Variants in MEP1A observed in about 807,000 individuals in gnomAD.
MEP1A encodes N-benzoyl-L-tyrosyl-P-amino-benzoic acid hydrolase subunit alpha.
A neutral mutation model predicts 84.5 loss-of-function variants in MEP1A; 68 were observed. That is an observed-to-expected ratio of 0.80 (90% CI 0.66 to 0.98). The LOEUF is 0.98. Ranked by LOEUF, MEP1A falls within the 50% of genes least tolerant of loss-of-function variation. The pLI, the probability that MEP1A is intolerant of heterozygous loss-of-function variation, is 0.00. For missense variants in MEP1A, 887 were observed against 919.9 expected (o/e 0.96, Z 0.46); for synonymous variants, 337 against 336.8 (o/e 1.00, Z -0.01).
chr6:46,827,429 T>C (rs1455919806), intron 9 of MEP1A, among the ~76,000 whole-genome samples: 3 of 152,246 alleles, frequency 2.0e-5, no homozygotes, highest in African/African-American at 7.2e-5. Context: ...TTTTCTATTT[T>C]AGCCTTCTAG....
chr6:46,828,465 C>T (rs1767997868), intron 9 of MEP1A, among the ~76,000 whole-genome samples: 1 of 152,168 alleles, frequency 6.6e-6, no homozygotes, highest in African/African-American at 2.4e-5. Flanking sequence ...CTGGGAGCAT[C>T]ACGGAGCAAC....
intron 6 of MEP1A, among the ~76,000 whole-genome samples, chr6:46,813,003 A>C (rs1026427478): frequency 6.6e-6 from 1 of 152,016 alleles, no homozygotes; most frequent in Admixed American, 6.6e-5. Context: ...GGTATAGTTA[A>C]AGTCCATTGT....
At chr6:46,817,943 T>C (rs551849657) in intron 6 of MEP1A, among the ~76,000 whole-genome samples, 2 of 152,264 alleles carry the variant, frequency 1.3e-5, no homozygotes, top group Non-Finnish European at 2.9e-5. Context: ...TCTCCTGAAG[T>C]TGGAGGCTAA....
chr6:46,841,808 A>C (rs953686762), downstream of MEP1A, among the ~76,000 whole-genome samples: 2 of 152,208 alleles, frequency 1.3e-5, no homozygotes, highest in East Asian at 1.9e-4. Flanking sequence ...TGGGAACTCT[A>C]ACCCCCTCTC....
chr6:46,823,498 G>A (rs2150751326), intron 7 of MEP1A, among the ~76,000 whole-genome samples: 1 of 152,312 alleles, frequency 6.6e-6, no homozygotes, highest in Admixed American at 6.5e-5. Flanking sequence ...TGTAATCCCA[G>A]CTACTCAGGA....
downstream of MEP1A, among the ~76,000 whole-genome samples, chr6:46,842,831 G>T (rs562812146): frequency 6.6e-6 from 1 of 152,294 alleles, no homozygotes; most frequent in Admixed American, 6.5e-5. Flanking sequence ...AGGCCCAGCT[G>T]TAAAATTCCT....
chr6:46,829,684 T>A, intron 10 of MEP1A, 113 bp downstream of exon 10: 1 of 747,066 alleles, frequency 1.3e-6, no homozygotes. Context: ...CTCCTCCTTT[T>A]CCTCCACCCA....
chr6:46,837,144 T>A (rs1562119304), intron 13 of MEP1A, among the ~76,000 whole-genome samples: 1 of 152,236 alleles, frequency 6.6e-6, no homozygotes, highest in Non-Finnish European at 1.5e-5. Flanking sequence ...GATCTTCTAA[T>A]GTTGATTTCC....
At chr6:46,823,364 C>T (rs12202500) in intron 7 of MEP1A, among the ~76,000 whole-genome samples, 6,907 of 152,302 alleles carry the variant, frequency 0.045, 165 homozygotes, top group African/African-American at 0.072. Context: ...ATAATCCCAG[C>T]ACTTTGAGAG....
chr6:46,825,407 A>G lies in MEP1A; in HGVS notation c.692A>G (p.Lys231Arg), dbSNP rs138133276. 16 of 1,613,904 alleles carry G rather than the reference A, an allele frequency of 9.9e-6. No individual in the cohort carries two copies. In the African/African-American group the frequency reaches 1.2e-4, roughly 12 times the overall value. The change falls in exon 8 of 14, where the codon AAG becomes AGG. Residue 231 changes from lysine to arginine, a missense_variant. Physicochemically the swap from Lys to Arg is conservative, Grantham distance 26. Coordinates refer to ENST00000230588, the MANE Select transcript of MEP1A (RefSeq NM_005588.3). ...KNASVPTITA[K>R]IPEFNSIIGQ... is the part of the protein sequence containing the mutation. ...GCAAGTGTTCCCACCATCACAGCCAAGATCCCTGAGTTTAACTCCATTATC... is the reference window on the plus strand; with the variant it reads ...GCAAGTGTTCCCACCATCACAGCCAGGATCCCTGAGTTTAACTCCATTATC...
chr6:46,801,460 T>C (rs772296589), intron 5 of MEP1A, among the ~76,000 whole-genome samples: 7 of 152,118 alleles, frequency 4.6e-5, no homozygotes, highest in Non-Finnish European at 1.0e-4. Flanking sequence ...GTTTTAAAAA[T>C]TATATTGTTT....
chr6:46,799,156 T>G lies in MEP1A; in HGVS notation c.237T>G (p.Ile79Met). ...RDPNTRWTFP[I>M]PYILADNLGL... The stretch of plus-strand genomic sequence containing the variant: ...CAAACACCAGGTGGACGTTCCCCAT[T>G]CCTTACATCTTGGCTGATAATTTGG... Residue 79 changes from isoleucine (I) to methionine (M), a missense_variant, in exon 5 of 14, where the codon ATT becomes ATG. Coordinates refer to ENST00000230588, the MANE Select transcript of MEP1A (RefSeq NM_005588.3). 1 of 1,612,096 alleles carries G rather than the reference T, an allele frequency of 6.2e-7. No homozygotes were observed. The highest frequency in any genetic ancestry group is 8.5e-7 in the Non-Finnish European group (1 of 1,178,126).
intron 6 of MEP1A, among the ~76,000 whole-genome samples, chr6:46,815,219 G>T (rs1289116747): frequency 6.6e-6 from 1 of 152,158 alleles, no homozygotes; most frequent in Non-Finnish European, 1.5e-5. Context: ...TTGGAGCAGG[G>T]ATAGGCATGT....
At chr6:46,809,799 GGTGT>G (rs757563081) in intron 6 of MEP1A, among the ~76,000 whole-genome samples, 1 of 149,778 alleles carries the variant, frequency 6.7e-6, no homozygotes, top group Non-Finnish European at 1.5e-5. Flanking sequence ...AGTAATACAT[GGTGT>G]GTGTGTGTGT....
intron 6 of MEP1A, among the ~76,000 whole-genome samples, chr6:46,819,205 G>T (rs1767709320): frequency 6.6e-6 from 1 of 152,160 alleles, no homozygotes; most frequent in Admixed American, 6.5e-5. Context: ...GTGCCCTGTG[G>T]GTTTGTGGAG....
chr6:46,807,693 G>T (rs187094325), intron 5 of MEP1A, among the ~76,000 whole-genome samples: 2 of 145,234 alleles, frequency 1.4e-5, no homozygotes, highest in East Asian at 4.1e-4. Context: ...GGAGGAGGAG[G>T]AGGAGAAGGA....
Position 46,819,527 on chromosome 6 carries a change from A to G in MEP1A, c.381-2A>G. 1 of 1,597,684 alleles carries G rather than the reference A, an allele frequency of 6.3e-7. No homozygotes were observed. Among genetic ancestry groups the G allele is most frequent in the South Asian group, 1.1e-5 (1 of 88,954 alleles). On this transcript the variant is annotated splice_acceptor_variant, in intron 6 of 13. Coordinates refer to ENST00000230588, the MANE Select transcript of MEP1A (RefSeq NM_005588.3). LOFTEE classifies it high-confidence loss of function. ...AAATTTTTCCTCTTCTCCTCTTTAA[A>G]GGTGCTGGTCTGAGGTTGGTGACCA...
intron 5 of MEP1A, among the ~76,000 whole-genome samples, chr6:46,804,057 T>C (rs1049481796): frequency 1.1e-4 from 17 of 151,660 alleles, no homozygotes; most frequent in African/African-American, 4.1e-4. Context: ...TTTAAAGTAA[T>C]TGATGAAAAA....
At chr6:46,820,800 G>T (rs1767754478) in intron 7 of MEP1A, among the ~76,000 whole-genome samples, 1 of 152,002 alleles carries the variant, frequency 6.6e-6, no homozygotes, top group African/African-American at 2.4e-5. Flanking sequence ...TCAATGCTGT[G>T]TTTCTGAAGA....
Sources: allele counts gnomAD v4.1 joint callset (sites outside exome capture counted in the v4.1 genomes callset), GRCh38; gene constraint gnomAD v4.1.1; transcripts MANE v1.5; gene names NCBI Gene and HGNC (gene_info 2026-07-23, HGNC 2026-07-21).